The following PLEKHA8 variants were observed in gnomAD, a reference collection of about 807,000 sequenced individuals.
The protein encoded by PLEKHA8 is pleckstrin homology domain-containing family A member 8.
In PLEKHA8, 36 loss-of-function variants were observed where a neutral mutation model predicts 68.2. That is an observed-to-expected ratio of 0.53 (90% CI 0.40 to 0.70). The LOEUF is 0.70. PLEKHA8 is among the 30% of genes least tolerant of loss of function. The pLI is 0.00. For synonymous variants in PLEKHA8, 211 were observed against 216.1 expected (o/e 0.98, Z 0.20); for missense variants, 505 against 615.4 (o/e 0.82, Z 1.90).
chr7:30,051,903 G>T (rs537630124), intron 6 of PLEKHA8, among the ~76,000 whole-genome samples: 1 of 152,260 alleles, frequency 6.6e-6, no homozygotes, highest in South Asian at 2.1e-4. Context: ...AACCCGGAAG[G>T]CAGAGGTTGC....
downstream of PLEKHA8, among the ~76,000 whole-genome samples, chr7:30,087,427 C>A (rs1183092147): frequency 6.6e-6 from 1 of 152,208 alleles, no homozygotes; most frequent in African/African-American, 2.4e-5. Flanking sequence ...TGCCTACTGA[C>A]CATCCCTTAG....
At chr7:30,117,130 G>A (rs185852682) in intron 13 of PLEKHA8, among the ~76,000 whole-genome samples, 72 of 152,210 alleles carry the variant, frequency 4.7e-4, no homozygotes, top group African/African-American at 1.6e-3. Flanking sequence ...ATTGTGAGAG[G>A]CAGGCAGGGT....
Position 30,083,549 on chromosome 7 carries a change from G to T in PLEKHA8, c.*4762G>T. The T allele has an allele frequency of 9.1e-6, 9 of 985,356 alleles. No individual in the cohort carries two copies. The highest frequency in any genetic ancestry group is 1.1e-5 in the Non-Finnish European group (9 of 829,918). The allele number at this position is 985,356 out of a possible 1,614,324, so 61.0% of individuals were successfully genotyped here. A position where few individuals can be genotyped will look rare whatever the true frequency, so the allele number is the denominator to read the frequency against. ...GCTGCATTCAGGCACTCCAGGGCAT[G>T]ATTAAACAGTCATTAACAGTGCCTC... On this transcript the variant is annotated 3_prime_UTR_variant, in exon 14 of 14. Transcript: ENST00000449726.
At chr7:30,056,312 C>CTCTCTCTCTCTCTCTCTCTATATA (rs796845171) in intron 9 of PLEKHA8, among the ~76,000 whole-genome samples, 3 of 94,554 alleles carry the variant, frequency 3.2e-5, no homozygotes, top group African/African-American at 3.9e-5. Flanking sequence ...CTCTCTCTCT[C>CTCTCTCTCTCTCTCTCTCTATATA]TATATATATA....
chr7:30,071,549 T>C (rs1192438270), intron 12 of PLEKHA8, among the ~76,000 whole-genome samples: 3 of 152,240 alleles, frequency 2.0e-5, no homozygotes, highest in Admixed American at 1.3e-4. Context: ...TATTGACTTA[T>C]ACAATAATGA....
chr7:30,076,116 TG>T (rs1386176625), intron 13 of PLEKHA8, among the ~76,000 whole-genome samples: 3 of 152,046 alleles, frequency 2.0e-5, no homozygotes. Flanking sequence ...GTCTTTATTT[TG>T]TATACTTACT....
At chr7:30,098,685 G>A (rs1275655770) in intron 13 of PLEKHA8, among the ~76,000 whole-genome samples, 5 of 152,170 alleles carry the variant, frequency 3.3e-5, no homozygotes, top group African/African-American at 7.2e-5. Context: ...TTGGAAAAGC[G>A]CAGTATTAGG....
chr7:30,106,343 C>T (rs1796055155), intron 13 of PLEKHA8, among the ~76,000 whole-genome samples: 2 of 152,190 alleles, frequency 1.3e-5, no homozygotes, highest in South Asian at 4.1e-4. Context: ...GGATTATAGA[C>T]ATGAGCCACC....
At chr7:30,101,046 T>G (rs1409149329) in intron 13 of PLEKHA8, among the ~76,000 whole-genome samples, 2 of 151,766 alleles carry the variant, frequency 1.3e-5, no homozygotes, top group African/African-American at 4.8e-5. Context: ...AAAAATTAGC[T>G]GGGTGTGGTG....
intron 13 of PLEKHA8, among the ~76,000 whole-genome samples, chr7:30,097,778 C>A (rs914323209): frequency 6.6e-6 from 1 of 152,142 alleles, no homozygotes; most frequent in Non-Finnish European, 1.5e-5. Context: ...CGAACTTCTT[C>A]CTTTAGCTTG....
intron 13 of PLEKHA8, among the ~76,000 whole-genome samples, chr7:30,120,194 T>C (rs1310836681): frequency 4.9e-5 from 7 of 142,058 alleles, no homozygotes. Context: ...GAAAATAACA[T>C]GTTGGCAGGT....
chr7:30,035,996 C>T (rs1295588416), intron 1 of PLEKHA8, among the ~76,000 whole-genome samples: 1 of 151,876 alleles, frequency 6.6e-6, no homozygotes, highest in Non-Finnish European at 1.5e-5. Flanking sequence ...TGGCTCACAC[C>T]TGTAATGCCA....
chr7:30,055,777 C>T (rs1260986516), intron 9 of PLEKHA8, among the ~76,000 whole-genome samples: 34 of 151,498 alleles, frequency 2.2e-4, no homozygotes, highest in Admixed American at 2.2e-3. Context: ...GCAATCCTTC[C>T]ACCTCAGCCT....
intron 7 of PLEKHA8, among the ~76,000 whole-genome samples, chr7:30,054,417 C>T (rs1350897304): frequency 6.6e-6 from 1 of 152,006 alleles, no homozygotes; most frequent in Admixed American, 6.6e-5. Context: ...CCTAAGTGCC[C>T]CTCATGGATA....
intron 1 of PLEKHA8, among the ~76,000 whole-genome samples, chr7:30,041,012 C>T (rs1791490344): frequency 6.6e-6 from 1 of 152,234 alleles, no homozygotes; most frequent in Non-Finnish European, 1.5e-5. Flanking sequence ...TCTGAGATAA[C>T]TGCAGATTAA....
Position 30,082,131 on chromosome 7 carries a change from A to T in PLEKHA8, c.*3344A>T. 1.0e-6 allele frequency: 1 copy of T among 985,404 alleles called. No individual in the cohort carries two copies. Among genetic ancestry groups the T allele is most frequent in the Non-Finnish European group, 1.2e-6 (1 of 829,916 alleles). 61.0% of individuals were successfully genotyped at this position (985,404 alleles called of 1,614,324 possible). The stretch of plus-strand genomic sequence containing the variant: ...ACATTGACTTCGAAGGGTAGTTCTC[A>T]TTAGGATGTATAAGTAGTGGCTTGA... On this transcript the variant is annotated 3_prime_UTR_variant, in exon 14 of 14. Transcript: ENST00000449726.
rs1253353286 is a variant in PLEKHA8, at chr7:30,084,120, G to T, written c.*5333G>T. 2 of 985,196 alleles carry T rather than the reference G, an allele frequency of 2.0e-6. No individual in the cohort carries two copies. Among genetic ancestry groups the T allele is most frequent in the Admixed American group, 1.2e-4 (2 of 16,262 alleles). The allele number at this position is 985,196 out of a possible 1,614,324, so 61.0% of individuals were successfully genotyped here. On this transcript the variant is annotated 3_prime_UTR_variant, in exon 14 of 14. Coordinates refer to ENST00000449726, the MANE Select transcript of PLEKHA8 (RefSeq NM_001197026.2). ...CTGTGTCAGATGAGAAATGTGTTCA[G>T]ATAAATTTAATCTGGTTAATAGACT...
At chr7:30,097,704 T>G (rs1211872677) in intron 13 of PLEKHA8, among the ~76,000 whole-genome samples, 1 of 152,204 alleles carries the variant, frequency 6.6e-6, no homozygotes, top group Non-Finnish European at 1.5e-5. Flanking sequence ...TTCTCTGCAT[T>G]GATTATTCTA....
chr7:30,048,885 C>G (rs1157179589), intron 4 of PLEKHA8, among the ~76,000 whole-genome samples: 1 of 152,134 alleles, frequency 6.6e-6, no homozygotes, highest in African/African-American at 2.4e-5. Context: ...GCATTTCAGT[C>G]CTGCTCTTGG....
Sources: allele counts gnomAD v4.1 joint callset (sites outside exome capture counted in the v4.1 genomes callset), GRCh38; gene constraint gnomAD v4.1.1; transcripts MANE v1.5; gene names NCBI Gene and HGNC (gene_info 2026-07-23, HGNC 2026-07-21).